CLIP4: variants seen among roughly 807,000 people sequenced by gnomAD.
CLIP4 encodes the protein CAP-Gly domain containing linker protein family member 4, also known as CAP-Gly domain-containing linker protein 4.
In CLIP4, 47 loss-of-function variants were observed where a neutral mutation model predicts 73.1. The ratio of observed to expected loss-of-function variants is 0.64; its 90% CI spans 0.51 to 0.82. The LOEUF (loss-of-function observed/expected upper bound fraction) is 0.82. Ranked by LOEUF, CLIP4 falls within the 40% of genes least tolerant of loss-of-function variation. The probability of loss-of-function intolerance (pLI) is 0.00; values close to 1 mark genes in which losing one functional copy is unlikely to be tolerated. For synonymous variants in CLIP4, 306 were observed against 295.4 expected (o/e 1.04, Z -0.37); for missense variants, 874 against 852.9 (o/e 1.02, Z -0.31).
intron 13 of CLIP4, among the ~76,000 whole-genome samples, chr2:29,165,073 C>A (rs1444780444): frequency 6.6e-6 from 1 of 152,054 alleles, no homozygotes; most frequent in Non-Finnish European, 1.5e-5. Flanking sequence ...TCCCCCAGAC[C>A]CTGCGAGCTG....
At chr2:29,137,385 T>A (rs2147970638) in intron 6 of CLIP4, among the ~76,000 whole-genome samples, 1 of 152,362 alleles carries the variant, frequency 6.6e-6, no homozygotes, top group South Asian at 2.1e-4. Flanking sequence ...CTGTGTAGTA[T>A]GCCCTATATG....
intron 10 of CLIP4, among the ~76,000 whole-genome samples, 188 bp from the exon 11 acceptor site, chr2:29,157,016 T>G (rs1357127188): frequency 6.6e-6 from 1 of 152,202 alleles, no homozygotes; most frequent in African/African-American, 2.4e-5. Context: ...TATTATTGCT[T>G]GTGTTATAAA....
chr2:29,103,180 T>G (rs1380270656), intron 1 of CLIP4, among the ~76,000 whole-genome samples: 2 of 152,208 alleles, frequency 1.3e-5, no homozygotes, highest in African/African-American at 4.8e-5. Context: ...ATATAAAATA[T>G]CAGATAGTTG....
intron 2 of CLIP4, among the ~76,000 whole-genome samples, chr2:29,127,781 C>T (rs989238493): frequency 3.3e-5 from 5 of 152,068 alleles, no homozygotes; most frequent in African/African-American, 1.2e-4. Flanking sequence ...CTTGCAAAAG[C>T]TTTCAGGAAA....
chr2:29,105,608 C>T (rs895993408), intron 1 of CLIP4, among the ~76,000 whole-genome samples: 1 of 152,188 alleles, frequency 6.6e-6, no homozygotes, highest in African/African-American at 2.4e-5. Context: ...TCATCTCCTA[C>T]CAGCGTCTTA....
At chr2:29,099,106 A>T (rs1209852977) in intron 1 of CLIP4, among the ~76,000 whole-genome samples, 4 of 152,340 alleles carry the variant, frequency 2.6e-5, no homozygotes, top group South Asian at 2.1e-4. Flanking sequence ...AACAGTCTTT[A>T]CCAGACATGT....
chr2:29,102,588 T>A (rs1433225226), intron 1 of CLIP4, among the ~76,000 whole-genome samples: 8 of 151,782 alleles, frequency 5.3e-5, no homozygotes, highest in African/African-American at 1.9e-4. Context: ...ATACAAGGTG[T>A]CTCATCCCTT....
intron 12 of CLIP4, among the ~76,000 whole-genome samples, chr2:29,161,424 A>C (rs75762015): frequency 2.1e-5 from 3 of 143,036 alleles, no homozygotes; most frequent in Non-Finnish European, 4.6e-5. Context: ...AACATTGATT[A>C]AAAAAAAAAA....
chr2:29,160,613 T>A lies in CLIP4; in HGVS notation c.1534+146T>A. 1.9e-5 allele frequency: 17 copies of A among 909,374 alleles called. No homozygotes were observed. The South Asian group carries it at 2.7e-4, about 14-fold the overall frequency. 56.3% of individuals were successfully genotyped at this position (909,374 alleles called of 1,614,324 possible). A position where few individuals can be genotyped will look rare whatever the true frequency, so the allele number is the denominator to read the frequency against. ...CTATAGTACAGAAAATGTGAAATGATGATGAAAACTCAGACTGTTTACTCA... is the reference window on the plus strand; with the variant it reads ...CTATAGTACAGAAAATGTGAAATGAAGATGAAAACTCAGACTGTTTACTCA... On this transcript the variant is annotated intron_variant, in intron 12 of 15. Coordinates refer to ENST00000320081, the MANE Select transcript of CLIP4 (RefSeq NM_024692.6).
intron 1 of CLIP4, among the ~76,000 whole-genome samples, chr2:29,116,249 T>C (rs761182789): frequency 6.6e-6 from 1 of 152,210 alleles, no homozygotes; most frequent in Non-Finnish European, 1.5e-5. Flanking sequence ...TCCCATTCAC[T>C]GCTTATGATG....
At chr2:29,121,805 A>G (rs1664266650) in intron 2 of CLIP4, among the ~76,000 whole-genome samples, 1 of 152,188 alleles carries the variant, frequency 6.6e-6, no homozygotes, top group Non-Finnish European at 1.5e-5. Flanking sequence ...TTAGATATCT[A>G]GCATTCTTCT....
Position 29,120,420 on chromosome 2 carries a change from A to G in CLIP4, c.-15-954A>G, listed in dbSNP as rs74927277. 1.0e-3 allele frequency among the ~76,000 whole-genome samples: 155 copies of G among 152,298 alleles called. 1 individual carries two copies. In the East Asian group the frequency reaches 0.025, roughly 24 times the overall value. On this transcript the variant is annotated intron_variant, in intron 1 of 15. Coordinates refer to ENST00000320081, the MANE Select transcript of CLIP4 (RefSeq NM_024692.6). The stretch of plus-strand genomic sequence containing the variant: ...GAGTTAGATATAGGGTTGGTTAAGT[A>G]GAACAGAGCACACATTAAGTAGTAG...
chr2:29,119,166 T>C (rs942651847), intron 1 of CLIP4, among the ~76,000 whole-genome samples: 1 of 152,236 alleles, frequency 6.6e-6, no homozygotes, highest in Non-Finnish European at 1.5e-5. Context: ...ATATTGTAGC[T>C]TCTTCTGGAC....
At chr2:29,152,526 G>A (rs1470337213) in intron 8 of CLIP4, among the ~76,000 whole-genome samples, 159 bp from the exon 9 acceptor site, 1 of 151,792 alleles carries the variant, frequency 6.6e-6, no homozygotes, top group Non-Finnish European at 1.5e-5. Context: ...GCTCTTTGAG[G>A]GTAAGTACTG....
At chr2:29,137,579 T>G (rs1665458045) in intron 6 of CLIP4, among the ~76,000 whole-genome samples, 2 of 152,198 alleles carry the variant, frequency 1.3e-5, no homozygotes, top group Admixed American at 1.3e-4. Context: ...TGTTTTTAGT[T>G]TTTTGAGAAA....
chr2:29,162,765 A>G (rs1237161670), intron 12 of CLIP4, among the ~76,000 whole-genome samples: 3 of 152,192 alleles, frequency 2.0e-5, no homozygotes, highest in Non-Finnish European at 4.4e-5. Context: ...ATAGTTTTGT[A>G]ACATTACTTG....
intron 2 of CLIP4, among the ~76,000 whole-genome samples, chr2:29,122,929 A>G (rs1664366840): frequency 6.6e-6 from 1 of 151,096 alleles, no homozygotes; most frequent in South Asian, 2.1e-4. Context: ...TAGACATCAT[A>G]TTTTCAGGAT....
intron 12 of CLIP4, among the ~76,000 whole-genome samples, chr2:29,161,391 C>T (rs1031973091): frequency 9.9e-5 from 15 of 151,698 alleles, no homozygotes; most frequent in African/African-American, 3.6e-4. Flanking sequence ...GGCATTGCAG[C>T]ATTTTAGGAA....
At chr2:29,172,901 T>C (rs189440654) in intron 14 of CLIP4, among the ~76,000 whole-genome samples, 4 of 152,266 alleles carry the variant, frequency 2.6e-5, no homozygotes, top group African/African-American at 9.6e-5. Flanking sequence ...TCAAATCTGC[T>C]TGCAAGTTAC....
Sources: allele counts gnomAD v4.1 joint callset (sites outside exome capture counted in the v4.1 genomes callset), GRCh38; gene constraint gnomAD v4.1.1; transcripts MANE v1.5; gene names NCBI Gene and HGNC (gene_info 2026-07-23, HGNC 2026-07-21).